Variants in FLI1 observed in about 807,000 individuals in gnomAD.
FLI1 encodes Fli-1 proto-oncogene, ETS transcription factor.
FLI1 carries 13 observed loss-of-function variants against 53.1 expected under a neutral mutation model. The observed-to-expected ratio is 0.24, with a 90% confidence interval of 0.16 to 0.39. The LOEUF (loss-of-function observed/expected upper bound fraction) is 0.39, where lower values mean the gene tolerates loss of function less well. Among genes scored for constraint, FLI1 ranks in the 10% least tolerant of loss-of-function variants. The pLI is 1.00. For synonymous variants in FLI1, 244 were observed against 236.7 expected (o/e 1.03, Z -0.28); for missense variants, 424 against 600.5 (o/e 0.71, Z 3.07).
At chr11:128,748,358 C>T (rs1045855272) in intron 1 of FLI1, 8 of 694,964 alleles carry the variant, frequency 1.2e-5, no homozygotes, top group Admixed American at 6.3e-5. Context: ...AAAAGTCAGC[C>T]GGGGTCCAGG....
chr11:128,687,037 C>T (rs1165443675), intron 1 of FLI1: 1 of 157,166 alleles, frequency 6.4e-6, no homozygotes, highest in East Asian at 1.9e-4. Context: ...AGCGTGTTCC[C>T]TGCATTAAGC....
chr11:128,740,617 G>A (rs1198246798), intron 1 of FLI1, among the ~76,000 whole-genome samples: 1 of 152,224 alleles, frequency 6.6e-6, no homozygotes, highest in African/African-American at 2.4e-5. Context: ...GGGTTAGTCT[G>A]CTGGGAGGGA....
intron 1 of FLI1, among the ~76,000 whole-genome samples, chr11:128,708,505 T>C (rs1254311105): frequency 6.6e-6 from 1 of 152,158 alleles, no homozygotes; most frequent in Non-Finnish European, 1.5e-5. Flanking sequence ...GCTTGGGTAG[T>C]CTGAGTTCTG....
At chr11:128,777,468 A>T (rs1488110396) in intron 4 of FLI1, among the ~76,000 whole-genome samples, 1 of 152,206 alleles carries the variant, frequency 6.6e-6, no homozygotes, top group Non-Finnish European at 1.5e-5. Context: ...TTTAATGGAA[A>T]ACACATTTTG....
At chr11:128,765,054 G>T (rs1184871948) in intron 2 of FLI1, among the ~76,000 whole-genome samples, 2 of 151,956 alleles carry the variant, frequency 1.3e-5, no homozygotes, top group Non-Finnish European at 2.9e-5. Context: ...CAGGGCCGGG[G>T]GAGGGAGAGA....
intron 2 of FLI1, among the ~76,000 whole-genome samples, chr11:128,767,528 C>CAA (rs1338223270): frequency 6.6e-6 from 1 of 152,146 alleles, no homozygotes; most frequent in East Asian, 1.9e-4. Flanking sequence ...TTGGGAAATT[C>CAA]GAATACAACA....
At chr11:128,758,438 G>A in intron 2 of FLI1, 112 bp downstream of exon 2, 2 of 829,344 alleles carry the variant, frequency 2.4e-6, no homozygotes, top group Non-Finnish European at 2.0e-6. Context: ...CTAGAGCTGG[G>A]CCAGGAAGCC....
At chr11:128,809,066 A>G in intron 7 of FLI1, 91 bp from the exon 8 acceptor site, 6 of 981,402 alleles carry the variant, frequency 6.1e-6, no homozygotes, top group Non-Finnish European at 7.7e-6. Flanking sequence ...TCTTGAAATA[A>G]AAGTATAAAC....
intron 1 of FLI1, among the ~76,000 whole-genome samples, chr11:128,729,119 T>C (rs1444125324): frequency 1.3e-5 from 2 of 152,186 alleles, no homozygotes; most frequent in African/African-American, 4.8e-5. Context: ...CACCTCTGCT[T>C]TGTAATCGGA....
At chr11:128,791,462 A>G (rs56388111) in intron 5 of FLI1, among the ~76,000 whole-genome samples, 9,048 of 152,184 alleles carry the variant, frequency 0.059, 427 homozygotes, top group African/African-American at 0.13. Flanking sequence ...CTTTGCTTAT[A>G]CCCACTGTTT....
rs999493906 is a variant in FLI1, at chr11:128,811,106, G to A, written c.*118G>A. ...AAGACAAAACTGGATGTTCTTTCTT[G>A]TTGGATAGAACCTTTGTATTTGTTC... On this transcript the variant is annotated 3_prime_UTR_variant, in exon 9 of 9. Coordinates refer to ENST00000527786, the MANE Select transcript of FLI1 (RefSeq NM_002017.5). 6.2e-6 allele frequency: 6 copies of A among 973,870 alleles called. No individual in the cohort carries two copies. The highest frequency in any genetic ancestry group is 9.5e-6 in the Non-Finnish European group (6 of 630,968). The allele number at this position is 973,870 out of a possible 1,614,324, so 60.3% of individuals were successfully genotyped here.
intron 1 of FLI1, among the ~76,000 whole-genome samples, chr11:128,713,579 G>A (rs1938877130): frequency 6.6e-6 from 1 of 151,896 alleles, no homozygotes; most frequent in South Asian, 2.1e-4. Context: ...AAAGCAGACA[G>A]GTATAGTTCC....
At position 128,694,252 on chromosome 11, in the gene FLI1, T is replaced by G; in HGVS notation, c.-7T>G. On this transcript the variant is annotated 5_prime_UTR_variant, in exon 1 of 9. Transcript: ENST00000527786. ...ATATTGGGGGGCTCGGCTGCAGACTTGGCCAAATGGACGGGACTATTAAGG... is the reference window on the plus strand; with the variant it reads ...ATATTGGGGGGCTCGGCTGCAGACTGGGCCAAATGGACGGGACTATTAAGG... 6.8e-7 allele frequency: 1 copy of G among 1,476,742 alleles called. No homozygotes were observed. The highest frequency in any genetic ancestry group is 9.0e-7 in the Non-Finnish European group (1 of 1,110,054). The allele number at this position is 1,476,742 out of a possible 1,614,324, so 91.5% of individuals were successfully genotyped here. A position where few individuals can be genotyped will look rare whatever the true frequency, so the allele number is the denominator to read the frequency against.
chr11:128,729,070 G>A (rs1051481078), intron 1 of FLI1, among the ~76,000 whole-genome samples: 6 of 152,170 alleles, frequency 3.9e-5, no homozygotes, highest in Non-Finnish European at 8.8e-5. Flanking sequence ...AAGACAGGAC[G>A]GTCATTTGAG....
At chr11:128,689,412 C>G (rs1040262545), upstream of FLI1, among the ~76,000 whole-genome samples, 5 of 152,262 alleles carry the variant, frequency 3.3e-5, no homozygotes, top group South Asian at 8.3e-4. Context: ...TTGTGTACCC[C>G]CCAGGTTCCT....
intron 1 of FLI1, among the ~76,000 whole-genome samples, chr11:128,698,720 G>GTGTGTGTGTGTGTT (rs71055290): frequency 4.8e-4 from 62 of 128,720 alleles, no homozygotes; most frequent in African/African-American, 1.7e-3. Flanking sequence ...GCGTGTGTGT[G>GTGTGTGTGTGTGTT]TGTGTGTGTG....
At chr11:128,782,514 G>A (rs1941947881) in intron 5 of FLI1, among the ~76,000 whole-genome samples, 1 of 152,122 alleles carries the variant, frequency 6.6e-6, no homozygotes, top group African/African-American at 2.4e-5. Context: ...TGGCCAGCAT[G>A]GCAAAACCAC....
chr11:128,731,819 A>G (rs1392922703), intron 1 of FLI1, among the ~76,000 whole-genome samples: 1 of 152,106 alleles, frequency 6.6e-6, no homozygotes, highest in Non-Finnish European at 1.5e-5. Flanking sequence ...CCTGGCCAAC[A>G]TGGCAAAACC....
Position 128,736,361 on chromosome 11 carries a change from G to A in FLI1, c.19-21754G>A, listed in dbSNP as rs143764695. 3.0e-3 allele frequency among the ~76,000 whole-genome samples: 451 copies of A among 152,302 alleles called. 4 individuals carry two copies. Among genetic ancestry groups the A allele is most frequent in the Middle Eastern group, 0.02 (6 of 294 alleles). On this transcript the variant is annotated intron_variant, in intron 1 of 8. Coordinates refer to ENST00000527786, the MANE Select transcript of FLI1 (RefSeq NM_002017.5). ...GAGTTGGTAAGCCACAGCTTTTGGC[G>A]GTAGCATGAGCCCTCTGGCTTCTGA...
Sources: allele counts gnomAD v4.1 joint callset (sites outside exome capture counted in the v4.1 genomes callset), GRCh38; gene constraint gnomAD v4.1.1; transcripts MANE v1.5; gene names NCBI Gene and HGNC (gene_info 2026-07-23, HGNC 2026-07-21).